AMOTL1: variants seen among roughly 807,000 people sequenced by gnomAD.
The protein encoded by AMOTL1 is angiomotin like 1.
Under a neutral mutation model 102.9 loss-of-function variants are expected in AMOTL1, and 45 were observed. That is an observed-to-expected ratio of 0.44 (90% CI 0.34 to 0.56). The LOEUF is 0.56. Among genes scored for constraint, AMOTL1 ranks in the 20% least tolerant of loss-of-function variants. AMOTL1 has a pLI of 0.01. For missense variants in AMOTL1, 1,114 were observed against 1,225.6 expected (o/e 0.91, Z 1.36); for synonymous variants, 481 against 484.7 (o/e 0.99, Z 0.10).
intron 9 of AMOTL1, among the ~76,000 whole-genome samples, chr11:94,861,930 C>G (rs1046156846): frequency 6.6e-6 from 1 of 152,020 alleles, no homozygotes; most frequent in Non-Finnish European, 1.5e-5. Context: ...GAGAACCAGA[C>G]CCAGTCACAA....
At chr11:94,790,417 A>G (rs772308170) in intron 1 of AMOTL1, among the ~76,000 whole-genome samples, 5 of 152,150 alleles carry the variant, frequency 3.3e-5, no homozygotes, top group Non-Finnish European at 7.3e-5. Context: ...GAGGGAAGGG[A>G]GATCAGTCAG....
At chr11:94,791,079 A>G (rs1484028736) in intron 1 of AMOTL1, among the ~76,000 whole-genome samples, 2 of 152,238 alleles carry the variant, frequency 1.3e-5, no homozygotes, top group South Asian at 2.1e-4. Context: ...GCATAAAACC[A>G]TATGGGAAGG....
At position 94,871,709 on chromosome 11, in the gene AMOTL1, G is replaced by A. The variant is rs1231689244; in HGVS notation, c.*914G>A. Reference sequence around the variant, plus strand: ...CTCATTCTGACTGTGAACTAAGCAAGCTTTGAGGAGGCAGGAGATTCCGTG... The same window carrying A: ...CTCATTCTGACTGTGAACTAAGCAAACTTTGAGGAGGCAGGAGATTCCGTG... On this transcript the variant is annotated 3_prime_UTR_variant, in exon 13 of 13. Transcript: ENST00000433060. 3 of 152,204 alleles carry A rather than the reference G, an allele frequency of 2.0e-5. No homozygotes were observed. The allele number at this position is 152,204 out of a possible 1,614,324, so 9.4% of individuals were successfully genotyped here. A position where few individuals can be genotyped will look rare whatever the true frequency, so the allele number is the denominator to read the frequency against.
chr11:94,866,416 TG>T, intron 11 of AMOTL1: 1 of 519,340 alleles, frequency 1.9e-6, no homozygotes, highest in South Asian at 2.1e-5. Flanking sequence ...CTATTATTGT[TG>T]TAAGTTGAGG....
At chr11:94,850,306 C>A in intron 7 of AMOTL1, 47 bp downstream of exon 7, 3 of 1,528,958 alleles carry the variant, frequency 2.0e-6, no homozygotes, top group Non-Finnish European at 1.8e-6. Context: ...GCAAGCAGAG[C>A]CCAGAGGGCT....
intron 2 of AMOTL1, chr11:94,796,900 A>ATC: frequency 1.7e-6 from 1 of 594,780 alleles, no homozygotes; most frequent in African/African-American, 2.0e-5. Context: ...ATTAATATAC[A>ATC]TATATGTATA....
intron 3 of AMOTL1, among the ~76,000 whole-genome samples, chr11:94,751,169 A>G (rs1029110402): frequency 6.6e-6 from 1 of 152,212 alleles, no homozygotes; most frequent in Non-Finnish European, 1.5e-5. Flanking sequence ...ATACATGGAT[A>G]TTCAGTACGT....
At chr11:94,790,841 G>T (rs1469301388) in intron 1 of AMOTL1, among the ~76,000 whole-genome samples, 1 of 152,214 alleles carries the variant, frequency 6.6e-6, no homozygotes, top group African/African-American at 2.4e-5. Context: ...GACAGATTCA[G>T]GAACTGACCC....
chr11:94,720,736 T>A (rs536398602), intron 1 of AMOTL1, among the ~76,000 whole-genome samples: 2 of 152,238 alleles, frequency 1.3e-5, no homozygotes, highest in African/African-American at 4.8e-5. Flanking sequence ...CTGCCCTGAT[T>A]AAGCGAGATT....
intron 5 of AMOTL1, 140 bp downstream of exon 5, chr11:94,830,334 G>A: frequency 1.3e-6 from 1 of 794,394 alleles, no homozygotes; most frequent in Non-Finnish European, 1.9e-6. Context: ...CAATGATCTG[G>A]GGAAGGGAGG....
chr11:94,713,511 T>G (rs1032693300), intron 1 of AMOTL1, among the ~76,000 whole-genome samples: 31 of 151,880 alleles, frequency 2.0e-4, no homozygotes, highest in African/African-American at 7.5e-4. Flanking sequence ...TCCTTTAACA[T>G]GGAAAATTTC....
At chr11:94,746,143 A>AT (rs1337108360) in intron 3 of AMOTL1, among the ~76,000 whole-genome samples, 2 of 152,114 alleles carry the variant, frequency 1.3e-5, no homozygotes, top group East Asian at 1.9e-4. Flanking sequence ...CAAAAAGGGG[A>AT]TTTTTTAAAA....
At chr11:94,713,163 G>T (rs1229016922) in intron 1 of AMOTL1, among the ~76,000 whole-genome samples, 2 of 151,600 alleles carry the variant, frequency 1.3e-5, no homozygotes, top group Non-Finnish European at 1.5e-5. Context: ...AATCAACTGG[G>T]CATATTTGTA....
chr11:94,800,326 C>A lies in AMOTL1; in HGVS notation c.1121+15C>A. On this transcript the variant is annotated intron_variant, in intron 3 of 12. Coordinates refer to ENST00000433060, the MANE Select transcript of AMOTL1 (RefSeq NM_130847.3). ...GGGGTAACGAGGTGATTATCAACTGCAGACGTTTCGTGCGGCTTTTCAAAA... is the reference window on the plus strand; with the variant it reads ...GGGGTAACGAGGTGATTATCAACTGAAGACGTTTCGTGCGGCTTTTCAAAA... 1 of 1,559,458 alleles carries A rather than the reference C, an allele frequency of 6.4e-7. No individual in the cohort carries two copies. The highest frequency in any genetic ancestry group is 1.7e-4 in the Middle Eastern group (1 of 5,790).
intron 1 of AMOTL1, among the ~76,000 whole-genome samples, chr11:94,789,361 G>A (rs1452754302): frequency 6.6e-6 from 1 of 152,214 alleles, no homozygotes; most frequent in East Asian, 1.9e-4. Context: ...GTTTCACCAT[G>A]TTGGCCAGGC....
At chr11:94,735,613 AT>A (rs1228754581) in intron 2 of AMOTL1, among the ~76,000 whole-genome samples, 2 of 152,142 alleles carry the variant, frequency 1.3e-5, no homozygotes, top group Non-Finnish European at 2.9e-5. Flanking sequence ...GTGGAGCAAA[AT>A]TTCATTTAGA....
chr11:94,835,856 C>T (rs1043812079), intron 6 of AMOTL1, among the ~76,000 whole-genome samples: 2 of 152,184 alleles, frequency 1.3e-5, no homozygotes, highest in African/African-American at 4.8e-5. Context: ...ATTGATGAGT[C>T]ATGGGTGTAA....
chr11:94,740,512 GC>G (rs1230953283), intron 2 of AMOTL1, among the ~76,000 whole-genome samples: 7 of 151,678 alleles, frequency 4.6e-5, no homozygotes, highest in Non-Finnish European at 1.0e-4. Context: ...CGCCGCCGCC[GC>G]CGCGCGCCCT....
intron 2 of AMOTL1, among the ~76,000 whole-genome samples, chr11:94,737,302 A>G (rs1950451566): frequency 6.6e-6 from 1 of 152,234 alleles, no homozygotes; most frequent in African/African-American, 2.4e-5. Flanking sequence ...AGTTGGAGAC[A>G]ACGAACATTC....
Sources: gnomAD v4.1 joint callset for allele counts (sites outside exome capture counted in the v4.1 genomes callset) on GRCh38, gnomAD v4.1.1 for gene constraint, MANE v1.5 for transcripts, NCBI Gene and HGNC (gene_info 2026-07-23, HGNC 2026-07-21) for gene names.